NEK4: variants seen among roughly 807,000 people sequenced by gnomAD.
NEK4 encodes the protein NIMA related kinase 4, also known as serine/threonine-protein kinase Nek4.
A neutral mutation model predicts 98.4 loss-of-function variants in NEK4; 86 were observed. The observed-to-expected ratio is 0.87, with a 90% CI of 0.73 to 1.05. The LOEUF is 1.05. Among genes scored for constraint, NEK4 ranks in the 50% least tolerant of loss-of-function variants. The pLI is 0.00. For synonymous variants in NEK4, 328 were observed against 342.2 expected, an observed-to-expected ratio of 0.96 and a Z score of 0.46; for missense variants, 898 against 950.3, an observed-to-expected ratio of 0.94 and a Z score of 0.72.
intron 15 of NEK4, among the ~76,000 whole-genome samples, chr3:52,735,515 G>A (rs2097374697): frequency 6.6e-6 from 1 of 152,216 alleles, no homozygotes; most frequent in African/African-American, 2.4e-5. Context: ...TGTAGTTAAA[G>A]TCTGTGTTTA....
intron 6 of NEK4, chr3:52,754,176 G>T: frequency 3.7e-6 from 1 of 267,896 alleles, no homozygotes; most frequent in Non-Finnish European, 7.4e-6. Flanking sequence ...ACAAAAGATG[G>T]TGTATTTAAG....
At position 52,724,671 on chromosome 3, in the gene NEK4, G is replaced by A. The variant is rs192706644; in HGVS notation, c.2434-12802C>T. 2.0e-5 allele frequency among the ~76,000 whole-genome samples: 3 copies of A among 152,310 alleles called. No individual in the cohort carries two copies. In the East Asian group the frequency reaches 5.8e-4, roughly 29 times the overall value. On this transcript the variant is annotated intron_variant, in intron 15 of 15. Coordinates refer to ENST00000233027, the MANE Select transcript of NEK4 (RefSeq NM_003157.6). ...GGTGTTTACCAGAGGCGAAGGGTGG[G>A]GAGAATGGGCAGGTGTTGGTCAAAG...
chr3:52,742,440 C>T (rs929847693), intron 12 of NEK4, among the ~76,000 whole-genome samples: 20 of 152,180 alleles, frequency 1.3e-4, no homozygotes, highest in African/African-American at 4.6e-4. Flanking sequence ...ATAAACCTTA[C>T]AACTCTGAGA....
chr3:52,728,333 G>A (rs576547948), intron 15 of NEK4, among the ~76,000 whole-genome samples: 21 of 152,194 alleles, frequency 1.4e-4, no homozygotes, highest in South Asian at 1.2e-3. Context: ...CCAAAACTGC[G>A]CCACTGCACT....
chr3:52,755,118 GAA>G (rs554319001), intron 6 of NEK4, among the ~76,000 whole-genome samples: 1 of 117,268 alleles, frequency 8.5e-6, no homozygotes, highest in African/African-American at 3.1e-5. Context: ...TCTTAACAAT[GAA>G]AAAAAAAAAA....
intron 6 of NEK4, among the ~76,000 whole-genome samples, chr3:52,756,679 A>G (rs2154105838): frequency 6.6e-6 from 1 of 152,342 alleles, no homozygotes; most frequent in African/African-American, 2.4e-5. Flanking sequence ...CAAAGGCTTC[A>G]CAACATTGGA....
chr3:52,751,819 ACTG>A, intron 7 of NEK4, 110 bp downstream of exon 7: 1 of 1,029,148 alleles, frequency 9.7e-7, no homozygotes, highest in Non-Finnish European at 1.4e-6. Context: ...CTATGTTTAA[ACTG>A]ATACATAGAA....
In NEK4 at chr3:52,754,666, G is replaced by A. The variant is rs1578684729; in HGVS notation, c.964-2330C>T. 6.4e-6 allele frequency: 4 copies of A among 625,306 alleles called. No individual in the cohort carries two copies. In the East Asian group the frequency reaches 1.6e-4, roughly 24 times the overall value. The allele number at this position is 625,306 out of a possible 1,614,324, so 38.7% of individuals were successfully genotyped here. ...AAGCCTGGCTCAGTACAATCTTTCA[G>A]TAAAGAAGAGAAAACAGTAGCAACT... On this transcript the variant is annotated intron_variant, in intron 6 of 15. Coordinates refer to ENST00000233027, the MANE Select transcript of NEK4 (RefSeq NM_003157.6).
chr3:52,742,067 C>T (rs1016926751), intron 12 of NEK4, among the ~76,000 whole-genome samples: 2 of 152,134 alleles, frequency 1.3e-5, no homozygotes, highest in South Asian at 2.1e-4. Flanking sequence ...CATGAGCTAC[C>T]GCGCCTGCCC....
At chr3:52,761,546 A>C (rs1197994951) in intron 5 of NEK4, among the ~76,000 whole-genome samples, 1 of 152,156 alleles carries the variant, frequency 6.6e-6, no homozygotes, top group Non-Finnish European at 1.5e-5. Flanking sequence ...TCGGCCTCCC[A>C]AAGTGCTGGG....
At chr3:52,744,741 A>G (rs2097392989) in intron 10 of NEK4, among the ~76,000 whole-genome samples, 8 of 134,834 alleles carry the variant, frequency 5.9e-5, no homozygotes, top group Admixed American at 5.7e-4. Flanking sequence ...AGCAAGACCA[A>G]AAAAAAAAAA....
chr3:52,712,115 A>T (rs1187055334), intron 15 of NEK4, among the ~76,000 whole-genome samples: 1 of 152,278 alleles, frequency 6.6e-6, no homozygotes, highest in Non-Finnish European at 1.5e-5. Flanking sequence ...GATTAATAGC[A>T]TTCGTATATA....
At chr3:52,733,489 C>A in intron 15 of NEK4, 1 of 426,508 alleles carries the variant, frequency 2.3e-6, no homozygotes, top group African/African-American at 2.1e-5. Context: ...CAAATTTTCC[C>A]TCACTCAACA....
rs1020543325 is a variant in NEK4 at position 52,741,071 on chromosome 3, A to T, written c.2093+340T>A. On this transcript the variant is annotated intron_variant, in intron 13 of 15. Coordinates refer to ENST00000233027, the MANE Select transcript of NEK4 (RefSeq NM_003157.6). ...AACACGGTGAAACGCCATCTCTACT[A>T]AAAAAATACAAAAAACTAGCCGGGC... Among the ~76,000 whole-genome samples the T allele has an allele frequency of 4.6e-5, 7 of 151,580 alleles. No individual in the cohort carries two copies. The South Asian group carries it at 8.3e-4, about 18-fold the overall frequency.
At chr3:52,730,033 G>A (rs998551232) in intron 15 of NEK4, among the ~76,000 whole-genome samples, 15 of 152,168 alleles carry the variant, frequency 9.9e-5, no homozygotes, top group African/African-American at 2.9e-4. Flanking sequence ...CCTTGAAACC[G>A]GGAGGCAGAG....
intron 11 of NEK4, 32 bp downstream of exon 11, chr3:52,744,207 C>A: frequency 6.5e-7 from 1 of 1,546,004 alleles, no homozygotes; most frequent in Non-Finnish European, 8.9e-7. Context: ...CCCCTAACTG[C>A]CAATTAGATG....
intron 10 of NEK4, 77 bp downstream of exon 10, chr3:52,745,984 A>G: frequency 7.4e-7 from 1 of 1,350,900 alleles, no homozygotes; most frequent in Non-Finnish European, 1.0e-6. Context: ...CAGCCTCCCA[A>G]AGTGCTGGGA....
intron 10 of NEK4, among the ~76,000 whole-genome samples, chr3:52,744,752 G>C (rs1021181537): frequency 1.4e-5 from 2 of 147,838 alleles, no homozygotes; most frequent in African/African-American, 5.0e-5. Context: ...AAAAAAAAAA[G>C]GTCTTGCGCT....
intron 1 of NEK4, among the ~76,000 whole-genome samples, chr3:52,769,134 G>C (rs1199319060): frequency 1.3e-5 from 2 of 152,062 alleles, no homozygotes; most frequent in African/African-American, 4.8e-5. Context: ...CAGGAGAATT[G>C]CTTGAACCTG....
Sources: gnomAD v4.1 joint callset for allele counts (sites outside exome capture counted in the v4.1 genomes callset) on GRCh38, gnomAD v4.1.1 for gene constraint, MANE v1.5 for transcripts, NCBI Gene and HGNC (gene_info 2026-07-23, HGNC 2026-07-21) for gene names.